The following NATD1 variants were observed in gnomAD, a reference collection of about 807,000 sequenced individuals.
NATD1 encodes protein NATD1.
A neutral mutation model predicts 12.0 loss-of-function variants in NATD1; 9 were observed. The observed-to-expected ratio is 0.75, with a 90% CI of 0.45 to 1.30. The LOEUF (loss-of-function observed/expected upper bound fraction) is 1.30. NATD1 is among the 50% of genes most tolerant of loss of function. NATD1 has a pLI of 0.00. For missense variants in NATD1, 148 were observed against 148.5 expected (o/e 1.00, Z 0.02); for synonymous variants, 71 against 65.9 (o/e 1.08, Z -0.37).
intron 1 of NATD1, 135 bp downstream of exon 1, chr17:21,253,024 T>C (rs1975392893): frequency 1.3e-5 from 4 of 319,336 alleles, no homozygotes; most frequent in Non-Finnish European, 1.8e-5. Context: ...GGCGCGCGCT[T>C]GCAACAGCCT....
At position 21,244,293 on chromosome 17, in the gene NATD1, T is replaced by C; in HGVS notation, c.107-69A>G. 1.4e-6 allele frequency: 2 copies of C among 1,393,250 alleles called. No individual in the cohort carries two copies. The highest frequency in any genetic ancestry group is 2.0e-6 in the Non-Finnish European group (2 of 1,006,686). The allele number at this position is 1,393,250 out of a possible 1,614,324, so 86.3% of individuals were successfully genotyped here. Reference sequence around the variant, plus strand: ...CAGCGGACTCAGGCACCAAGACGGGTGGAGGGACAGGCATTTGGAGTCATT... The same window carrying C: ...CAGCGGACTCAGGCACCAAGACGGGCGGAGGGACAGGCATTTGGAGTCATT... On this transcript the variant is annotated intron_variant, in intron 1 of 2. Coordinates refer to ENST00000611551, the MANE Select transcript of NATD1 (RefSeq NM_152914.3). The surrounding 1 kb of genome is among the most constrained non-coding windows in gnomAD (Gnocchi z 5.2).
chr17:21,249,596 C>CA (rs1975357782), intron 1 of NATD1, among the ~76,000 whole-genome samples: 1 of 152,192 alleles, frequency 6.6e-6, no homozygotes, highest in East Asian at 1.9e-4. Context: ...TCTGGGGCCT[C>CA]AGTCTTCCTG....
At chr17:21,252,163 G>A (rs1313870225) in intron 1 of NATD1, among the ~76,000 whole-genome samples, 1 of 152,150 alleles carries the variant, frequency 6.6e-6, no homozygotes, top group Non-Finnish European at 1.5e-5. Flanking sequence ...AAATTAGCTG[G>A]GCATGGTGGT....
chr17:21,250,793 G>A (rs1007173375), intron 1 of NATD1, among the ~76,000 whole-genome samples: 7 of 152,174 alleles, frequency 4.6e-5, no homozygotes, highest in Admixed American at 1.3e-4. Context: ...ACCAGAGCTC[G>A]CAGGAAGAGA....
In NATD1 at chr17:21,244,312, A is replaced by G. The variant is rs1975307099; in HGVS notation, c.107-88T>C. On this transcript the variant is annotated intron_variant, in intron 1 of 2. Coordinates refer to ENST00000611551, the MANE Select transcript of NATD1 (RefSeq NM_152914.3). The surrounding 1 kb of genome is among the most constrained non-coding windows in gnomAD (Gnocchi z 5.2). ...GACGGGTGGAGGGACAGGCATTTGG[A>G]GTCATTCAGCTGCTACAGCTGAATC... The G allele has an allele frequency of 2.6e-6, 3 of 1,141,270 alleles. No individual in the cohort carries two copies. Among genetic ancestry groups the G allele is most frequent in the African/African-American group, 1.6e-5 (1 of 64,462 alleles). The allele number at this position is 1,141,270 out of a possible 1,614,324, so 70.7% of individuals were successfully genotyped here. A position where few individuals can be genotyped will look rare whatever the true frequency, so the allele number is the denominator to read the frequency against.
At chr17:21,252,830 C>T (rs1458881452) in intron 1 of NATD1, among the ~76,000 whole-genome samples, 1 of 152,012 alleles carries the variant, frequency 6.6e-6, no homozygotes, top group Admixed American at 6.5e-5. Flanking sequence ...GACAGGGGAC[C>T]CGCGCTGCCC....
At position 21,253,329 on chromosome 17, in the gene NATD1, C is replaced by CTCCA; in HGVS notation, c.-66_-65insTGGA. ...GGCGCGCGGGGAAAGGTCAGGCGCG[C>CTCCA]GGCGGGGCTGGAGCGCGGGCGCAGG... is the stretch of plus-strand genomic sequence containing the variant. On this transcript the variant is annotated 5_prime_UTR_variant, in exon 1 of 3. Coordinates refer to ENST00000611551, the MANE Select transcript of NATD1 (RefSeq NM_152914.3). 1.4e-6 allele frequency: 1 copy of CTCCA among 724,010 alleles called. No homozygotes were observed. The highest frequency in any genetic ancestry group is 1.7e-6 in the Non-Finnish European group (1 of 593,000). The allele number at this position is 724,010 out of a possible 1,614,324, so 44.8% of individuals were successfully genotyped here.
chr17:21,248,260 C>T (rs1016272699), intron 1 of NATD1, among the ~76,000 whole-genome samples: 1 of 152,304 alleles, frequency 6.6e-6, no homozygotes, highest in Non-Finnish European at 1.5e-5. Flanking sequence ...AAATGCAATA[C>T]CGGTCCTCAC....
chr17:21,250,866 C>T (rs1425187930), intron 1 of NATD1, among the ~76,000 whole-genome samples: 1 of 152,236 alleles, frequency 6.6e-6, no homozygotes, highest in Non-Finnish European at 1.5e-5. Context: ...CCTGGGGCTA[C>T]CTGACCCCTC....
In NATD1 at chr17:21,244,288, A is replaced by T; in HGVS notation, c.107-64T>A. 6.9e-7 allele frequency: 1 copy of T among 1,441,324 alleles called. No individual in the cohort carries two copies. Among genetic ancestry groups the T allele is most frequent in the Non-Finnish European group, 9.6e-7 (1 of 1,046,758 alleles). 89.3% of individuals were successfully genotyped at this position (1,441,324 alleles called of 1,614,324 possible). Reference sequence around the variant, plus strand: ...CATCCCAGCGGACTCAGGCACCAAGACGGGTGGAGGGACAGGCATTTGGAG... The same window carrying T: ...CATCCCAGCGGACTCAGGCACCAAGTCGGGTGGAGGGACAGGCATTTGGAG... On this transcript the variant is annotated intron_variant, in intron 1 of 2. Transcript: ENST00000611551. The surrounding 1 kb of genome is among the most constrained non-coding windows in gnomAD (Gnocchi z 5.2).
intron 1 of NATD1, among the ~76,000 whole-genome samples, chr17:21,250,409 G>GC (rs1243848118): frequency 6.6e-6 from 1 of 152,116 alleles, no homozygotes; most frequent in Non-Finnish European, 1.5e-5. Flanking sequence ...CCTCCCCTCT[G>GC]CCCCCTGCAC....
rs1975396899 is a variant in NATD1 at position 21,253,255 on chromosome 17, A to AGTGCGCCATCTGC, written c.-4_9dup (p.Ser4AlafsTer40). ...GCGCCCAGCGGCACGGCGGCAGCCG[A>AGTGCGCCATCTGC]GTGCGCCATCTGCGCGCGGGGCTGC... is the stretch of plus-strand genomic sequence containing the variant. On this transcript the variant is annotated frameshift_variant, in exon 1 of 3. Coordinates refer to ENST00000611551, the MANE Select transcript of NATD1 (RefSeq NM_152914.3). LOFTEE classifies it high-confidence loss of function. The AGTGCGCCATCTGC allele has an allele frequency of 1.0e-6, 1 of 994,176 alleles. No individual in the cohort carries two copies. 61.6% of individuals were successfully genotyped at this position (994,176 alleles called of 1,614,324 possible).
chr17:21,253,159 C>T lies in NATD1; in HGVS notation c.106G>A (p.Gly36Arg), dbSNP rs1238260285. Reference protein sequence around the residue: ...RRRQFTVRLNGCHDRAVLLYE... With the variant: ...RRRQFTVRLNRCHDRAVLLYE... ...TCGGGGCGGGCCGGGGCCGCCTTACCGTTGAGCCGGACAGTGAACTGGCGG... is the reference window on the plus strand; with the variant it reads ...TCGGGGCGGGCCGGGGCCGCCTTACTGTTGAGCCGGACAGTGAACTGGCGG... Residue 36 changes from glycine (G) to arginine (R), a missense_variant and splice_region_variant, in exon 1 of 3, where the codon GGA becomes AGA. Gly to Arg is a moderately radical substitution (Grantham distance 125). Coordinates refer to ENST00000611551, the MANE Select transcript of NATD1 (RefSeq NM_152914.3). 1 of 1,019,160 alleles carries T rather than the reference C, an allele frequency of 9.8e-7. No individual in the cohort carries two copies. Among genetic ancestry groups the T allele is most frequent in the Non-Finnish European group, 1.2e-6 (1 of 853,346 alleles). 63.1% of individuals were successfully genotyped at this position (1,019,160 alleles called of 1,614,324 possible).
chr17:21,253,319 G>A lies in NATD1; in HGVS notation c.-55C>T. ...CGGGGGCCGGGGCGCGCGGGGAAAG[G>A]TCAGGCGCGCGGCGGGGCTGGAGCG... On this transcript the variant is annotated 5_prime_UTR_variant, in exon 1 of 3. Transcript: ENST00000611551. The A allele has an allele frequency of 6.2e-6, 5 of 800,474 alleles. No homozygotes were observed. The highest frequency in any genetic ancestry group is 7.5e-6 in the Non-Finnish European group (5 of 662,410). The allele number at this position is 800,474 out of a possible 1,614,324, so 49.6% of individuals were successfully genotyped here.
chr17:21,246,855 G>GCA (rs1257454236), intron 1 of NATD1, among the ~76,000 whole-genome samples: 2 of 152,178 alleles, frequency 1.3e-5, no homozygotes, highest in Non-Finnish European at 2.9e-5. Context: ...GGTGAGAACA[G>GCA]CACGTGCAAA....
Position 21,242,319 on chromosome 17 carries a change from G to C in NATD1, c.*994C>G, listed in dbSNP as rs1232177382. 1 of 152,290 alleles carries C rather than the reference G, an allele frequency of 6.6e-6. No homozygotes were observed. Among genetic ancestry groups the C allele is most frequent in the Non-Finnish European group, 1.5e-5 (1 of 68,086 alleles). The allele number at this position is 152,290 out of a possible 1,614,324, so 9.4% of individuals were successfully genotyped here. A position where few individuals can be genotyped will look rare whatever the true frequency, so the allele number is the denominator to read the frequency against. On this transcript the variant is annotated 3_prime_UTR_variant, in exon 3 of 3. Coordinates refer to ENST00000611551, the MANE Select transcript of NATD1 (RefSeq NM_152914.3). ...CCAGATGGGCAGCAAAGTGTATCCG[G>C]CTGTAGCCAGCCACAAAAGAGGACA...
At chr17:21,250,635 G>A (rs1201552752) in intron 1 of NATD1, among the ~76,000 whole-genome samples, 1 of 152,120 alleles carries the variant, frequency 6.6e-6, no homozygotes, top group African/African-American at 2.4e-5. Flanking sequence ...CCATGCCTCA[G>A]TCTCCCCATC....
chr17:21,248,535 G>T (rs1975347177), intron 1 of NATD1, among the ~76,000 whole-genome samples: 1 of 152,116 alleles, frequency 6.6e-6, no homozygotes. Flanking sequence ...TGAGCCCAAA[G>T]GTCACGTGCC....
At chr17:21,243,523 C>G in intron 2 of NATD1, 94 bp from the exon 3 acceptor site, 1 of 921,070 alleles carries the variant, frequency 1.1e-6, no homozygotes, top group Non-Finnish European at 1.7e-6. Flanking sequence ...GCTCCCTGGC[C>G]ACCCTTCCAC....
Sources: allele counts gnomAD v4.1 joint callset (sites outside exome capture counted in the v4.1 genomes callset), GRCh38; gene constraint gnomAD v4.1.1; non-coding constraint Gnocchi (gnomAD v3.1); transcripts MANE v1.5; gene names NCBI Gene and HGNC (gene_info 2026-07-23, HGNC 2026-07-21).